The following FGF14 variants were observed in gnomAD, a reference collection of about 807,000 sequenced individuals.
FGF14 encodes the protein fibroblast growth factor 14.
A neutral mutation model predicts 25.5 loss-of-function variants in FGF14; 5 were observed. The observed-to-expected ratio is 0.20, with a 90% CI of 0.10 to 0.41. The LOEUF (loss-of-function observed/expected upper bound fraction) is 0.41, where lower values mean the gene tolerates loss of function less well. FGF14 is among the 10% of genes least tolerant of loss of function. The pLI, the probability that FGF14 is intolerant of heterozygous loss-of-function variation, is 1.00. For synonymous variants in FGF14, 138 were observed against 118.3 expected (o/e 1.17, Z -1.08); for missense variants, 222 against 320.1 (o/e 0.69, Z 2.34).
At chr13:101,764,098 A>G (rs2038227518) in intron 3 of FGF14, among the ~76,000 whole-genome samples, 1 of 152,194 alleles carries the variant, frequency 6.6e-6, no homozygotes, top group Non-Finnish European at 1.5e-5. Flanking sequence ...ACAGGGATCC[A>G]TCACTGACAC....
intron 3 of FGF14, among the ~76,000 whole-genome samples, chr13:101,821,853 T>G (rs1403268401): frequency 6.6e-6 from 1 of 152,224 alleles, no homozygotes; most frequent in African/African-American, 2.4e-5. Flanking sequence ...TTCAATTTAT[T>G]TGCCCATTTT....
intron 3 of FGF14, among the ~76,000 whole-genome samples, chr13:101,836,127 T>C (rs1297487204): frequency 5.3e-5 from 8 of 152,066 alleles, no homozygotes; most frequent in Non-Finnish European, 1.2e-4. Flanking sequence ...AGAACATGAC[T>C]GTGGTATTAG....
At chr13:102,060,066 T>C (rs568945173) in intron 1 of FGF14, among the ~76,000 whole-genome samples, 1 of 152,174 alleles carries the variant, frequency 6.6e-6, no homozygotes, top group African/African-American at 2.4e-5. Flanking sequence ...TCAAAGGTCA[T>C]GCTCAAAGGA....
chr13:102,151,686 G>A (rs940082547), intron 1 of FGF14, among the ~76,000 whole-genome samples: 4 of 151,958 alleles, frequency 2.6e-5, no homozygotes, highest in African/African-American at 9.7e-5. Flanking sequence ...GTTTTTAGTA[G>A]AGACGGGATT....
chr13:101,791,706 CATT>C (rs2040244365), intron 3 of FGF14, among the ~76,000 whole-genome samples: 1 of 152,050 alleles, frequency 6.6e-6, no homozygotes, highest in Non-Finnish European at 1.5e-5. Context: ...CATTTCCACC[CATT>C]ATTGTTAATT....
intron 1 of FGF14, among the ~76,000 whole-genome samples, chr13:102,010,816 C>T (rs902130843): frequency 6.6e-6 from 1 of 152,110 alleles, no homozygotes; most frequent in African/African-American, 2.4e-5. Context: ...AGATAGGAAA[C>T]AATGGGGCAG....
At chr13:101,905,483 A>C (rs143385351) in intron 1 of FGF14, among the ~76,000 whole-genome samples, 235 of 152,246 alleles carry the variant, frequency 1.5e-3, no homozygotes, top group Middle Eastern at 6.8e-3. Context: ...GTTCTCACTC[A>C]TAAGTGGGAG....
At chr13:101,917,920 G>C (rs1015035872), upstream of FGF14, among the ~76,000 whole-genome samples, 6 of 152,128 alleles carry the variant, frequency 3.9e-5, no homozygotes, top group Non-Finnish European at 7.3e-5. Flanking sequence ...GAAGAAGTCA[G>C]GGCAGAAATA....
chr13:102,256,813 T>C (rs190405799), intron 1 of FGF14, among the ~76,000 whole-genome samples: 2 of 152,230 alleles, frequency 1.3e-5, no homozygotes, highest in South Asian at 2.1e-4. Flanking sequence ...TTAGTCCATG[T>C]AGAACAGTTT....
intron 1 of FGF14, among the ~76,000 whole-genome samples, chr13:102,133,799 C>T (rs1442017941): frequency 1.3e-5 from 2 of 152,178 alleles, no homozygotes; most frequent in African/African-American, 4.8e-5. Flanking sequence ...AGAATTCCCT[C>T]GTTGCTGCAT....
At chr13:101,727,401 C>A (rs1410827273) in intron 3 of FGF14, among the ~76,000 whole-genome samples, 1 of 152,106 alleles carries the variant, frequency 6.6e-6, no homozygotes, top group African/African-American at 2.4e-5. Flanking sequence ...GTCATAGTGA[C>A]AGTAGCTGAA....
intron 1 of FGF14, among the ~76,000 whole-genome samples, chr13:102,328,353 T>C (rs1196358041): frequency 6.6e-6 from 1 of 152,236 alleles, no homozygotes; most frequent in African/African-American, 2.4e-5. Flanking sequence ...GCTATAAAAT[T>C]CTGTGAGTGG....
intron 1 of FGF14, among the ~76,000 whole-genome samples, chr13:101,972,992 T>C (rs9513969): frequency 0.38 from 57,479 of 152,034 alleles, 11,303 homozygotes; most frequent in East Asian, 0.71. Flanking sequence ...AGAAATATTG[T>C]TGACTTGCTC....
chr13:102,392,950 C>G (rs1289008942), intron 1 of FGF14, among the ~76,000 whole-genome samples: 1 of 152,148 alleles, frequency 6.6e-6, no homozygotes, highest in Non-Finnish European at 1.5e-5. Flanking sequence ...CGATCTGTGC[C>G]TCACTACCTT....
Position 101,916,789 on chromosome 13 carries a change from G to T in FGF14, c.-144C>A, listed in dbSNP as rs1183232935. The T allele has an allele frequency of 9.7e-6, 7 of 719,272 alleles. No individual in the cohort carries two copies. The highest frequency in any genetic ancestry group is 1.1e-5 in the Non-Finnish European group (5 of 454,212). 44.6% of individuals were successfully genotyped at this position (719,272 alleles called of 1,614,324 possible). ...CAGGCGGGACTGGGGAGAGGGGAAG[G>T]GGGGCTCAGTCCTGACCGGGACCCA... On this transcript the variant is annotated 5_prime_UTR_variant, in exon 1 of 5. Coordinates refer to ENST00000376143, the MANE Select transcript of FGF14 (RefSeq NM_004115.4).
intron 1 of FGF14, among the ~76,000 whole-genome samples, chr13:102,276,353 GTA>G (rs10574334): frequency 0.43 from 44,443 of 102,468 alleles, 9,467 homozygotes; most frequent in Admixed American, 0.52. Flanking sequence ...GTGTGTGTGT[GTA>G]TATATATATA....
chr13:102,198,074 A>G (rs1385148072), intron 1 of FGF14, among the ~76,000 whole-genome samples: 1 of 151,682 alleles, frequency 6.6e-6, no homozygotes, highest in African/African-American at 2.4e-5. Context: ...TCCTTCCCCT[A>G]CCCGCCCTGG....
chr13:102,387,060 T>C (rs9582577), intron 1 of FGF14, among the ~76,000 whole-genome samples: 4,207 of 152,312 alleles, frequency 0.028, 198 homozygotes, highest in African/African-American at 0.096. Flanking sequence ...TAAATACCAG[T>C]CTTATAAACC....
rs2296047 is a variant in FGF14 at position 101,916,738 on chromosome 13, C to T, written c.-93G>A. 1.0e-3 allele frequency: 1,191 copies of T among 1,172,254 alleles called. 27 individuals are homozygous for T. In the East Asian group the frequency reaches 0.028, roughly 27 times the overall value. 72.6% of individuals were successfully genotyped at this position (1,172,254 alleles called of 1,614,324 possible). A position where few individuals can be genotyped will look rare whatever the true frequency, so the allele number is the denominator to read the frequency against. Reference sequence around the variant, plus strand: ...GAAGGCGGCGGCGCAGACCGTGGCTCGCCCTCGGGGCAGAGGAGGGGGTGC... The same window carrying T: ...GAAGGCGGCGGCGCAGACCGTGGCTTGCCCTCGGGGCAGAGGAGGGGGTGC... On this transcript the variant is annotated 5_prime_UTR_variant, in exon 1 of 5. Coordinates refer to ENST00000376143, the MANE Select transcript of FGF14 (RefSeq NM_004115.4).
Sources: allele counts gnomAD v4.1 joint callset (sites outside exome capture counted in the v4.1 genomes callset), GRCh38; gene constraint gnomAD v4.1.1; transcripts MANE v1.5; gene names NCBI Gene and HGNC (gene_info 2026-07-23, HGNC 2026-07-21).